The following E2F3 variants were observed in gnomAD, a reference collection of about 807,000 sequenced individuals.
The protein encoded by E2F3 is transcription factor E2F3.
In E2F3, 11 loss-of-function variants were observed where a neutral mutation model predicts 44.4. The ratio of observed to expected loss-of-function variants is 0.25; its 90% CI spans 0.16 to 0.41. The LOEUF (loss-of-function observed/expected upper bound fraction) is 0.41, where lower values mean the gene tolerates loss of function less well. Among genes scored for constraint, E2F3 ranks in the 10% least tolerant of loss-of-function variants. The pLI, the probability that E2F3 is intolerant of heterozygous loss-of-function variation, is 1.00. For missense variants in E2F3, 487 were observed against 583.6 expected, an observed-to-expected ratio of 0.83 and a Z score of 1.70; for synonymous variants, 249 against 253.0, an observed-to-expected ratio of 0.98 and a Z score of 0.15.
At chr6:20,479,260 G>C (rs1187035610) in intron 1 of E2F3, among the ~76,000 whole-genome samples, 2 of 152,218 alleles carry the variant, frequency 1.3e-5, no homozygotes, top group Admixed American at 6.5e-5. Flanking sequence ...AGTATATAGA[G>C]AGAGTGATTG....
chr6:20,432,441 C>T (rs1760437669), intron 1 of E2F3, among the ~76,000 whole-genome samples: 1 of 152,220 alleles, frequency 6.6e-6, no homozygotes, highest in Non-Finnish European at 1.5e-5. Context: ...ATAAGACAAG[C>T]CCATTAGATC....
intron 1 of E2F3, among the ~76,000 whole-genome samples, chr6:20,479,181 T>C (rs151106479): frequency 4.6e-4 from 70 of 152,356 alleles, no homozygotes; most frequent in Admixed American, 1.4e-3. Flanking sequence ...GTTTTCCCGA[T>C]GAAGGGCCGT....
At chr6:20,445,456 T>G (rs1450616817) in intron 1 of E2F3, among the ~76,000 whole-genome samples, 1 of 152,116 alleles carries the variant, frequency 6.6e-6, no homozygotes, top group Non-Finnish European at 1.5e-5. Flanking sequence ...GCCAGGCTGG[T>G]CTCGAATTCC....
intron 1 of E2F3, among the ~76,000 whole-genome samples, chr6:20,421,341 C>T (rs1273550454): frequency 2.0e-5 from 3 of 152,144 alleles, no homozygotes; most frequent in Non-Finnish European, 4.4e-5. Context: ...TATCCAGATC[C>T]TTTGGAGGAA....
chr6:20,468,374 A>G (rs1429067208), intron 1 of E2F3, among the ~76,000 whole-genome samples: 2 of 152,240 alleles, frequency 1.3e-5, no homozygotes, highest in African/African-American at 2.4e-5. Context: ...AACTCAGGAA[A>G]CATTGAGGTT....
intron 1 of E2F3, among the ~76,000 whole-genome samples, chr6:20,471,159 T>C (rs1761875830): frequency 6.6e-6 from 1 of 152,260 alleles, no homozygotes; most frequent in African/African-American, 2.4e-5. Flanking sequence ...CTTACAAAAA[T>C]AGTTTTACTA....
chr6:20,464,206 G>T (rs1464130010), intron 1 of E2F3, among the ~76,000 whole-genome samples: 2 of 152,118 alleles, frequency 1.3e-5, no homozygotes, highest in African/African-American at 4.8e-5. Context: ...TGCATCATTG[G>T]CCTTTGGTGA....
Position 20,483,339 on chromosome 6 carries a change from C to T in E2F3, c.884+419C>T, listed in dbSNP as rs4134944. Among the ~76,000 whole-genome samples, 104 of 152,282 alleles carry T rather than the reference C, an allele frequency of 6.8e-4. 1 individual carries two copies. The East Asian group carries it at 0.018, about 27-fold the overall frequency. On this transcript the variant is annotated intron_variant, in intron 4 of 6. Transcript: ENST00000346618. The stretch of plus-strand genomic sequence containing the variant: ...GATTTTTGGTGGGTGTTAGCTGTCA[C>T]TGTTGGGGTTCTCACATTCTATTTT...
rs200487331 is a variant in E2F3, at chr6:20,488,108, C to G, written c.1000-5C>G. 2 of 1,613,632 alleles carry G rather than the reference C, an allele frequency of 1.2e-6. No homozygotes were observed. The highest frequency in any genetic ancestry group is 1.3e-5 in the African/African-American group (1 of 74,926). On this transcript the variant is annotated splice_polypyrimidine_tract_variant and splice_region_variant and intron_variant, in intron 5 of 6. Coordinates refer to ENST00000346618, the MANE Select transcript of E2F3 (RefSeq NM_001949.5). ...GATTCGAACTTCTCCCACTTCTGTT[C>G]ATAGAGCCTACAAATACATTTGGCA...
chr6:20,442,967 C>CAA lies in E2F3; in HGVS notation c.394-36867_394-36866dup, dbSNP rs60258972. Among the ~76,000 whole-genome samples, 1,411 of 147,846 alleles carry CAA rather than the reference C, an allele frequency of 9.5e-3. 18 individuals carry two copies. The highest frequency in any genetic ancestry group is 0.022 in the African/African-American group (873 of 40,402). On this transcript the variant is annotated intron_variant, in intron 1 of 6. Transcript: ENST00000346618. ...CCTGGGCGACAAGAGCAAACTGTCT[C>CAA]AAAAAAAAAAAAATCTCAAATCTAT...
At chr6:20,452,285 G>A (rs1332269037) in intron 1 of E2F3, 1 of 152,166 alleles carries the variant, frequency 6.6e-6, no homozygotes, top group Admixed American at 6.5e-5. Flanking sequence ...ACTCTTGGGA[G>A]GGTGTATGTG....
At chr6:20,476,809 GAT>G (rs2127618245) in intron 1 of E2F3, among the ~76,000 whole-genome samples, 1 of 152,318 alleles carries the variant, frequency 6.6e-6, no homozygotes, top group African/African-American at 2.4e-5. Flanking sequence ...GCTTCTGCCT[GAT>G]AAAGAGTGAA....
intron 1 of E2F3, among the ~76,000 whole-genome samples, chr6:20,450,282 C>A (rs1054295961): frequency 4.1e-4 from 62 of 152,054 alleles, no homozygotes; most frequent in African/African-American, 1.4e-3. Context: ...TCACCAGCAT[C>A]TATTGTTTTT....
chr6:20,426,480 T>C (rs562102458), intron 1 of E2F3, among the ~76,000 whole-genome samples: 1 of 152,314 alleles, frequency 6.6e-6, no homozygotes, highest in African/African-American at 2.4e-5. Context: ...GAATAATTAT[T>C]TTGTGATTTA....
chr6:20,426,830 A>G (rs1760231715), intron 1 of E2F3, among the ~76,000 whole-genome samples: 1 of 152,222 alleles, frequency 6.6e-6, no homozygotes, highest in African/African-American at 2.4e-5. Context: ...CTGCCCTGGC[A>G]TCCTGGCTTT....
rs1409984742 is a variant in E2F3, at chr6:20,492,915, T to C, written c.*2485T>C. 1 of 217,108 alleles carries C rather than the reference T, an allele frequency of 4.6e-6. No homozygotes were observed. The highest frequency in any genetic ancestry group is 9.3e-6 in the Non-Finnish European group (1 of 107,704). The allele number at this position is 217,108 out of a possible 1,614,324, so 13.4% of individuals were successfully genotyped here. A position where few individuals can be genotyped will look rare whatever the true frequency, so the allele number is the denominator to read the frequency against. On this transcript the variant is annotated 3_prime_UTR_variant, in exon 7 of 7. Coordinates refer to ENST00000346618, the MANE Select transcript of E2F3 (RefSeq NM_001949.5). ...TAAGTATGCAGGTTTCCTGGTACCA[T>C]TGAGTTGCTGCTATTAAAGCTCACA...
At chr6:20,413,776 G>C (rs192627357) in intron 1 of E2F3, among the ~76,000 whole-genome samples, 35 of 152,286 alleles carry the variant, frequency 2.3e-4, no homozygotes, top group Non-Finnish European at 4.4e-4. Context: ...ACGAGGACCA[G>C]AGCACACCAT....
rs4134982 is a variant in E2F3 at position 20,490,197 on chromosome 6, G to A, written c.1165G>A (p.Asp389Asn). The change falls in exon 7 of 7, where the codon GAT becomes AAT. Residue 389 changes from aspartate to asparagine, a missense_variant. Physicochemically the swap from Asp to Asn is conservative, Grantham distance 23. This residue lies in a region of E2F3 where 220 missense variants were observed against 261.7 expected (regional missense o/e 0.84). Coordinates refer to ENST00000346618, the MANE Select transcript of E2F3 (RefSeq NM_001949.5). The surrounding 1 kb of genome is among the most constrained non-coding windows in gnomAD (Gnocchi z 4.3). ...GGCTTCAACCAACTCAGGACATAGC[G>A]ATTGCTCAGTTTCTATGGGAAACCT... is the stretch of plus-strand genomic sequence containing the variant. Reference protein sequence around the residue: ...DLASTNSGHSDCSVSMGNLSP... With the variant: ...DLASTNSGHSNCSVSMGNLSP... 0.011 allele frequency: 16,982 copies of A among 1,613,218 alleles called. 104 individuals are homozygous for A. The highest frequency in any genetic ancestry group is 0.013 in the Non-Finnish European group (14,967 of 1,179,668).
intron 3 of E2F3, among the ~76,000 whole-genome samples, chr6:20,482,561 T>C (rs1255695134): frequency 6.8e-6 from 1 of 147,286 alleles, no homozygotes; most frequent in African/African-American, 2.5e-5. Context: ...TAAATTTCTA[T>C]GCTGTGAAAA....
Sources: gnomAD v4.1 joint callset for allele counts (sites outside exome capture counted in the v4.1 genomes callset) on GRCh38, gnomAD v4.1.1 for gene constraint, gnomAD v4.1.1 regional missense constraint, Gnocchi (gnomAD v3.1) non-coding constraint, MANE v1.5 for transcripts, NCBI Gene and HGNC (gene_info 2026-07-23, HGNC 2026-07-21) for gene names.